FBXW8: variants seen among roughly 807,000 people sequenced by gnomAD.
FBXW8 encodes the protein F-box/WD repeat-containing protein 8.
A neutral mutation model predicts 65.3 loss-of-function variants in FBXW8; 57 were observed. The observed-to-expected ratio is 0.87, with a 90% CI of 0.71 to 1.09. The LOEUF is 1.09. Among genes scored for constraint, FBXW8 ranks in the 50% least tolerant of loss-of-function variants. The probability of loss-of-function intolerance (pLI) is 0.00; values close to 1 mark genes in which losing one functional copy is unlikely to be tolerated. For synonymous variants in FBXW8, 308 were observed against 330.2 expected, an observed-to-expected ratio of 0.93 and a Z score of 0.73; for missense variants, 777 against 814.8, an observed-to-expected ratio of 0.95 and a Z score of 0.57.
intron 4 of FBXW8, among the ~76,000 whole-genome samples, chr12:116,956,315 T>G (rs972479091): frequency 2.0e-5 from 3 of 152,160 alleles, no homozygotes; most frequent in Non-Finnish European, 4.4e-5. Context: ...AGCGCTCTTC[T>G]TACCCTAAAA....
intron 3 of FBXW8, 157 bp from the exon 4 acceptor site, chr12:116,949,461 C>T: frequency 1.5e-6 from 1 of 661,382 alleles, no homozygotes; most frequent in South Asian, 1.7e-5. Context: ...GCATGTTAGT[C>T]ATCATCTTTG....
At chr12:117,000,855 CTA>C (rs1218702680) in intron 7 of FBXW8, among the ~76,000 whole-genome samples, 3 of 152,226 alleles carry the variant, frequency 2.0e-5, no homozygotes, top group African/African-American at 7.2e-5. Context: ...TTATTAATAA[CTA>C]TTTTGGTAGG....
intron 8 of FBXW8, among the ~76,000 whole-genome samples, chr12:117,020,948 T>C (rs1236038814): frequency 2.0e-5 from 3 of 152,248 alleles, no homozygotes; most frequent in Non-Finnish European, 4.4e-5. Context: ...GTGACTGGCC[T>C]TGCGTGTATG....
chr12:116,974,672 G>A (rs561283467), intron 5 of FBXW8, among the ~76,000 whole-genome samples: 4 of 152,186 alleles, frequency 2.6e-5, no homozygotes, highest in Non-Finnish European at 5.9e-5. Context: ...TTGAGCCTGG[G>A]AGGTCAAGGC....
At chr12:117,006,461 T>G (rs1953675854) in intron 7 of FBXW8, among the ~76,000 whole-genome samples, 1 of 152,236 alleles carries the variant, frequency 6.6e-6, no homozygotes, top group African/African-American at 2.4e-5. Flanking sequence ...CCTTCACAGT[T>G]TGCCTGGAAA....
intron 7 of FBXW8, among the ~76,000 whole-genome samples, chr12:117,001,059 G>A (rs1953509251): frequency 6.6e-6 from 1 of 152,150 alleles, no homozygotes; most frequent in Non-Finnish European, 1.5e-5. Flanking sequence ...CTTGGTGGTT[G>A]TGAGATTCAA....
chr12:116,994,602 C>T (rs1468201062), intron 7 of FBXW8, among the ~76,000 whole-genome samples: 1 of 152,212 alleles, frequency 6.6e-6, no homozygotes, highest in African/African-American at 2.4e-5. Flanking sequence ...CTCAACCCCA[C>T]TTTAAACAAT....
chr12:116,930,474 A>G (rs1881682552), intron 2 of FBXW8, among the ~76,000 whole-genome samples: 1 of 152,120 alleles, frequency 6.6e-6, no homozygotes, highest in African/African-American at 2.4e-5. Flanking sequence ...TCCTTTGCTC[A>G]TTTTTAAATT....
At chr12:117,000,894 C>A (rs563499482) in intron 7 of FBXW8, among the ~76,000 whole-genome samples, 1 of 152,346 alleles carries the variant, frequency 6.6e-6, no homozygotes, top group East Asian at 1.9e-4. Flanking sequence ...GATATGGTCA[C>A]AAAGTGGCGC....
chr12:117,006,733 C>G (rs1463381525), intron 7 of FBXW8, among the ~76,000 whole-genome samples: 2 of 152,242 alleles, frequency 1.3e-5, no homozygotes, highest in Non-Finnish European at 2.9e-5. Context: ...CAGCTGGCAG[C>G]AGGCTGGGAC....
In FBXW8 at chr12:117,028,766, A is replaced by G. The variant is rs898293875; in HGVS notation, c.*594A>G. ...ATATACTTATACAGTTTAGTCATCA[A>G]TGACTATTTTGCTTACTATTGTGTC... On this transcript the variant is annotated 3_prime_UTR_variant, in exon 11 of 11. Coordinates refer to ENST00000652555, the MANE Select transcript of FBXW8 (RefSeq NM_153348.3). The surrounding 1 kb of genome is among the most constrained non-coding windows in gnomAD (Gnocchi z 4.1). The G allele has an allele frequency of 6.5e-6, 1 of 153,340 alleles. No homozygotes were observed. Among genetic ancestry groups the G allele is most frequent in the African/African-American group, 2.4e-5 (1 of 41,456 alleles). The allele number at this position is 153,340 out of a possible 1,614,324, so 9.5% of individuals were successfully genotyped here.
At chr12:116,947,748 A>AG (rs1883024349) in intron 3 of FBXW8, among the ~76,000 whole-genome samples, 4 of 139,696 alleles carry the variant, frequency 2.9e-5, no homozygotes, top group Admixed American at 2.4e-4. Context: ...AAAAAAAAAA[A>AG]AAAAAAGAAA....
intron 8 of FBXW8, among the ~76,000 whole-genome samples, chr12:117,012,094 G>C (rs1016301171): frequency 7.9e-5 from 12 of 152,164 alleles, no homozygotes; most frequent in South Asian, 4.1e-4. Context: ...AGGGGGTCTT[G>C]GAACCAATCC....
chr12:117,013,192 A>G (rs904155624), intron 8 of FBXW8, among the ~76,000 whole-genome samples: 4 of 152,254 alleles, frequency 2.6e-5, no homozygotes, highest in Non-Finnish European at 4.4e-5. Flanking sequence ...CAGTGAGCTG[A>G]GATCACACCA....
chr12:116,959,672 T>G (rs1883863080), intron 4 of FBXW8, among the ~76,000 whole-genome samples: 1 of 152,238 alleles, frequency 6.6e-6, no homozygotes, highest in Non-Finnish European at 1.5e-5. Context: ...CAATAAGTAG[T>G]CTGCTTATTG....
chr12:116,971,755 C>T (rs1463950400), intron 5 of FBXW8, among the ~76,000 whole-genome samples: 1 of 151,850 alleles, frequency 6.6e-6, no homozygotes, highest in Non-Finnish European at 1.5e-5. Flanking sequence ...ATCTTTTGAC[C>T]CCATTACTCA....
chr12:116,977,164 A>G (rs1429417449), intron 5 of FBXW8, among the ~76,000 whole-genome samples: 1 of 152,204 alleles, frequency 6.6e-6, no homozygotes, highest in African/African-American at 2.4e-5. Context: ...AACCGACTGC[A>G]GTTTCGCCAT....
chr12:116,969,924 G>A lies in FBXW8; in HGVS notation c.835+5070G>A, dbSNP rs551493335. ...TCTTCTGCCTTGTTTCCGATTGTCA[G>A]CACTGGCCATCCTCCAGTTTGATTT... On this transcript the variant is annotated intron_variant, in intron 5 of 10. Transcript: ENST00000652555. Among the ~76,000 whole-genome samples, 6 of 152,224 alleles carry A rather than the reference G, an allele frequency of 3.9e-5. 2 individuals are homozygous for A. The South Asian group carries it at 1.2e-3, about 32-fold the overall frequency.
rs16947214 is a variant in FBXW8 at position 117,007,725 on chromosome 12, A to G, written c.1240-2598A>G. Among the ~76,000 whole-genome samples, 454 of 152,344 alleles carry G rather than the reference A, an allele frequency of 3.0e-3. 3 individuals are homozygous for G. Among genetic ancestry groups the G allele is most frequent in the African/African-American group, 0.011 (442 of 41,570 alleles). On this transcript the variant is annotated intron_variant, in intron 7 of 10. Coordinates refer to ENST00000652555, the MANE Select transcript of FBXW8 (RefSeq NM_153348.3). The stretch of plus-strand genomic sequence containing the variant: ...AAAAATTAGTCTAATGCATGGTCTT[A>G]ACAAGAGGGAGAGTGTGAGCATGAA...
Sources: gnomAD v4.1 joint callset for allele counts (sites outside exome capture counted in the v4.1 genomes callset) on GRCh38, gnomAD v4.1.1 for gene constraint, Gnocchi (gnomAD v3.1) non-coding constraint, MANE v1.5 for transcripts, NCBI Gene and HGNC (gene_info 2026-07-23, HGNC 2026-07-21) for gene names.